The following TRPC4AP variants were observed in gnomAD, a reference collection of about 807,000 sequenced individuals.
TRPC4AP encodes the protein transient receptor potential cation channel subfamily C member 4 associated protein, also known as short transient receptor potential channel 4-associated protein.
Under a neutral mutation model 99.0 loss-of-function variants are expected in TRPC4AP, and 45 were observed. The ratio of observed to expected loss-of-function variants is 0.45; its 90% CI spans 0.36 to 0.58. The LOEUF (loss-of-function observed/expected upper bound fraction) is 0.58, where lower values mean the gene tolerates loss of function less well. Ranked by LOEUF, TRPC4AP falls within the 20% of genes least tolerant of loss-of-function variation. The pLI is 0.00. For synonymous variants in TRPC4AP, 408 were observed against 385.8 expected (o/e 1.06, Z -0.67); for missense variants, 879 against 985.3 (o/e 0.89, Z 1.44).
Position 35,002,982 on chromosome 20 carries a change from A to AG in TRPC4AP, c.*163dup. The AG allele has an allele frequency of 1.1e-5, 10 of 943,910 alleles. No homozygotes were observed. Among genetic ancestry groups the AG allele is most frequent in the Non-Finnish European group, 1.6e-5 (10 of 638,942 alleles). 58.5% of individuals were successfully genotyped at this position (943,910 alleles called of 1,614,324 possible). A position where few individuals can be genotyped will look rare whatever the true frequency, so the allele number is the denominator to read the frequency against. On this transcript the variant is annotated 3_prime_UTR_variant, in exon 19 of 19. Transcript: ENST00000252015. ...TCCATGACCTAGGGCCCTCAGACCC[A>AG]GGGGGACCAAGGGCTTCTAGGACTT...
At chr20:35,053,344 A>AT (rs1335595219) in intron 5 of TRPC4AP, among the ~76,000 whole-genome samples, 3 of 152,108 alleles carry the variant, frequency 2.0e-5, no homozygotes, top group South Asian at 2.1e-4. Context: ...CATACATTTC[A>AT]TTTTTTTAAC....
rs373243411 is a variant in TRPC4AP, at chr20:35,021,146, C to T, written c.1218+44G>A. 7 of 1,588,700 alleles carry T rather than the reference C, an allele frequency of 4.4e-6. No homozygotes were observed. The African/African-American group carries it at 9.4e-5, about 21-fold the overall frequency. The stretch of plus-strand genomic sequence containing the variant: ...ACCTGGCATACCATGAGCACCCGGG[C>T]AGCACCTGCTCCCCGTGTCCTGAGA... On this transcript the variant is annotated intron_variant, in intron 9 of 18. Transcript: ENST00000252015.
rs11697686 is a variant in TRPC4AP at position 35,086,493 on chromosome 20, A to G, written c.168+6121T>C. Among the ~76,000 whole-genome samples, 24 of 132,596 alleles carry G rather than the reference A, an allele frequency of 1.8e-4. 1 individual carries two copies. The highest frequency in any genetic ancestry group is 1.1e-3 in the East Asian group (5 of 4,580). 87.0% of individuals were successfully genotyped at this position (132,596 alleles called of 152,430 possible). A position where few individuals can be genotyped will look rare whatever the true frequency, so the allele number is the denominator to read the frequency against. Reference sequence around the variant, plus strand: ...TGTGTGTGTATGTGTGTGTATATATATATGTGTATATATATGTGTGTGTGT... The same window carrying G: ...TGTGTGTGTATGTGTGTGTATATATGTATGTGTATATATATGTGTGTGTGT... On this transcript the variant is annotated intron_variant, in intron 1 of 18. Coordinates refer to ENST00000252015, the MANE Select transcript of TRPC4AP (RefSeq NM_015638.3).
chr20:35,090,143 GGGAGAGAGGAGC>G (rs2085011519), intron 1 of TRPC4AP, among the ~76,000 whole-genome samples: 2 of 150,424 alleles, frequency 1.3e-5, no homozygotes, highest in Non-Finnish European at 3.0e-5. Flanking sequence ...TCTGCAGGAT[GGGAGAGAGGAGC>G]GGAAGGGCAC....
intron 8 of TRPC4AP, among the ~76,000 whole-genome samples, chr20:35,033,461 C>T (rs752818614): frequency 2.7e-4 from 41 of 152,248 alleles, no homozygotes; most frequent in Non-Finnish European, 4.6e-4. Context: ...AGCTTTCTAC[C>T]TCTTCTGGTA....
At chr20:35,078,294 A>G (rs1340608192) in intron 1 of TRPC4AP, 120 bp from the exon 2 acceptor site, 4 of 1,016,046 alleles carry the variant, frequency 3.9e-6, no homozygotes, top group Non-Finnish European at 5.7e-6. Flanking sequence ...ATCTCTAAGC[A>G]CTACTATAAA....
At chr20:35,032,352 G>C (rs2083217068) in intron 8 of TRPC4AP, among the ~76,000 whole-genome samples, 1 of 151,126 alleles carries the variant, frequency 6.6e-6, no homozygotes, top group African/African-American at 2.4e-5. Context: ...TTCAATTCTA[G>C]AACTTCCACT....
At position 35,075,909 on chromosome 20, in the gene TRPC4AP, T is replaced by C. The variant is rs535544456; in HGVS notation, c.297+2137A>G. On this transcript the variant is annotated intron_variant, in intron 2 of 18. Coordinates refer to ENST00000252015, the MANE Select transcript of TRPC4AP (RefSeq NM_015638.3). ...TTCAGGTACACCAATCAGACGTAGA[T>C]TTGGTCTTTTCACACAGTCCCATAT... is the stretch of plus-strand genomic sequence containing the variant. Among the ~76,000 whole-genome samples, 3 of 152,330 alleles carry C rather than the reference T, an allele frequency of 2.0e-5. No individual in the cohort carries two copies. The South Asian group carries it at 6.2e-4, about 32-fold the overall frequency.
At chr20:35,088,630 TGGG>T in intron 1 of TRPC4AP, among the ~76,000 whole-genome samples, 1 of 152,214 alleles carries the variant, frequency 6.6e-6, no homozygotes. Context: ...AACAACTTTA[TGGG>T]ATAGATGTTA....
At chr20:35,052,098 G>GC (rs1404132681) in intron 5 of TRPC4AP, among the ~76,000 whole-genome samples, 3 of 138,050 alleles carry the variant, frequency 2.2e-5, no homozygotes, top group African/African-American at 8.0e-5. Flanking sequence ...TTTTTTTTTG[G>GC]TTTTTTTTTT....
At chr20:35,010,541 T>C (rs150714525) in intron 11 of TRPC4AP, among the ~76,000 whole-genome samples, 1,433 of 140,528 alleles carry the variant, frequency 0.01, 7 homozygotes, top group Non-Finnish European at 0.016. Context: ...ACAAGGCCCC[T>C]TCCCTCAGCA....
chr20:35,035,225 T>C lies in TRPC4AP; in HGVS notation c.949A>G (p.Ser317Gly). Reference protein sequence around the residue: ...RKVSESTGTASFLQELEEWYT... With the variant: ...RKVSESTGTAGFLQELEEWYT... ...CACTCTTCCAACTCCTGAAGGAAGC[T>C]GGCTGTGCCCGTTGACTCTGACACC... The change falls in exon 8 of 19, where the codon AGC becomes GGC. Residue 317 changes from serine to glycine, a missense_variant. Coordinates refer to ENST00000252015, the MANE Select transcript of TRPC4AP (RefSeq NM_015638.3). 6.2e-7 allele frequency: 1 copy of C among 1,614,194 alleles called. No individual in the cohort carries two copies. The highest frequency in any genetic ancestry group is 2.2e-5 in the East Asian group (1 of 44,876).
intron 9 of TRPC4AP, among the ~76,000 whole-genome samples, chr20:35,019,631 A>C (rs988510055): frequency 6.6e-6 from 1 of 152,210 alleles, no homozygotes; most frequent in Non-Finnish European, 1.5e-5. Flanking sequence ...AATGCACAGA[A>C]GCTGTCCCTA....
At chr20:35,064,699 G>A (rs1415743293) in intron 3 of TRPC4AP, among the ~76,000 whole-genome samples, 4 of 152,204 alleles carry the variant, frequency 2.6e-5, no homozygotes, top group Non-Finnish European at 4.4e-5. Flanking sequence ...ACATATGCCT[G>A]CTTTGCTTTG....
chr20:35,080,627 A>T (rs893302430), intron 1 of TRPC4AP, among the ~76,000 whole-genome samples: 2 of 152,048 alleles, frequency 1.3e-5, no homozygotes, highest in East Asian at 3.9e-4. Context: ...CAGAATAAGC[A>T]TATCCAGAGA....
intron 1 of TRPC4AP, among the ~76,000 whole-genome samples, chr20:35,083,295 A>G (rs1236592189): frequency 6.6e-6 from 1 of 152,124 alleles, no homozygotes; most frequent in East Asian, 1.9e-4. Context: ...AGACGGCTAC[A>G]TAGAAAACTG....
At chr20:35,053,101 T>C (rs1000626869) in intron 5 of TRPC4AP, among the ~76,000 whole-genome samples, 3 of 152,218 alleles carry the variant, frequency 2.0e-5, no homozygotes, top group Admixed American at 6.5e-5. Flanking sequence ...TCAGGGAGCA[T>C]ATAATTTAAT....
chr20:35,004,966 T>A (rs2082486794), intron 16 of TRPC4AP, among the ~76,000 whole-genome samples: 1 of 152,158 alleles, frequency 6.6e-6, no homozygotes, highest in African/African-American at 2.4e-5. Flanking sequence ...CTAGCGCAAC[T>A]GGTTTTCCAC....
intron 8 of TRPC4AP, among the ~76,000 whole-genome samples, chr20:35,029,296 C>T (rs1465423647): frequency 6.6e-6 from 1 of 152,134 alleles, no homozygotes; most frequent in Non-Finnish European, 1.5e-5. Flanking sequence ...GTGGATGCTG[C>T]CTGCATGATA....
Sources: allele counts gnomAD v4.1 joint callset (sites outside exome capture counted in the v4.1 genomes callset), GRCh38; gene constraint gnomAD v4.1.1; transcripts MANE v1.5; gene names NCBI Gene and HGNC (gene_info 2026-07-23, HGNC 2026-07-21).